Variants in KATNAL1 observed in about 807,000 individuals in gnomAD.
KATNAL1 encodes the protein katanin p60 ATPase-containing subunit A-like 1.
A neutral mutation model predicts 55.2 loss-of-function variants in KATNAL1; 32 were observed. The observed-to-expected ratio is 0.58, with a 90% CI of 0.44 to 0.78. The LOEUF is 0.78. KATNAL1 is among the 30% of genes least tolerant of loss of function. KATNAL1 has a pLI of 0.00. For missense variants in KATNAL1, 466 were observed against 600.9 expected (o/e 0.78, Z 2.35); for synonymous variants, 193 against 193.6 (o/e 1.00, Z 0.02).
chr13:30,225,715 AAT>A (rs1875401842), intron 9 of KATNAL1, among the ~76,000 whole-genome samples: 1 of 151,616 alleles, frequency 6.6e-6, no homozygotes, highest in Non-Finnish European at 1.5e-5. Context: ...CACAGATATA[AAT>A]ACAGTTTCCA....
At chr13:30,245,921 T>C (rs766787191) in intron 4 of KATNAL1, among the ~76,000 whole-genome samples, 1 of 152,282 alleles carries the variant, frequency 6.6e-6, no homozygotes, top group African/African-American at 2.4e-5. Flanking sequence ...TGGAAAAACA[T>C]TCCATGCTCA....
At chr13:30,271,202 G>A (rs922533639) in intron 3 of KATNAL1, among the ~76,000 whole-genome samples, 28 of 152,166 alleles carry the variant, frequency 1.8e-4, no homozygotes, top group African/African-American at 4.1e-4. Flanking sequence ...ATAACCCTAC[G>A]AAGTAATTTT....
chr13:30,219,475 C>G (rs750752046), intron 9 of KATNAL1, among the ~76,000 whole-genome samples: 11 of 152,194 alleles, frequency 7.2e-5, no homozygotes, highest in African/African-American at 2.4e-4. Context: ...GCAGAGCTCT[C>G]GGCTCATGCA....
chr13:30,225,158 G>GA (rs1021540715), intron 9 of KATNAL1, among the ~76,000 whole-genome samples: 4 of 151,928 alleles, frequency 2.6e-5, no homozygotes, highest in Non-Finnish European at 4.4e-5. Flanking sequence ...AGTCTCAGTG[G>GA]AAAAAAAGAG....
chr13:30,211,984 A>C (rs1215419596), intron 9 of KATNAL1, among the ~76,000 whole-genome samples: 11 of 152,202 alleles, frequency 7.2e-5, no homozygotes, highest in Admixed American at 7.2e-4. Flanking sequence ...GTGTCTTTTC[A>C]ATTAATGATG....
At chr13:30,238,464 T>G (rs1018320272) in intron 6 of KATNAL1, among the ~76,000 whole-genome samples, 6 of 152,172 alleles carry the variant, frequency 3.9e-5, no homozygotes, top group Non-Finnish European at 8.8e-5. Flanking sequence ...TTACAAAACT[T>G]CAATGCATCT....
rs55683675 is a variant in KATNAL1 at position 30,277,982 on chromosome 13, C to CAAAAAAAAAAAAAA, written c.323+2067_323+2080dup. On this transcript the variant is annotated intron_variant, in intron 3 of 10. Transcript: ENST00000380615. ...TGGGGGACAGAGCGAGACTCCGTCT[C>CAAAAAAAAAAAAAA]AAAAAAAAAAAAAAAAAAAAAAAAA... 2.3e-4 allele frequency among the ~76,000 whole-genome samples: 14 copies of CAAAAAAAAAAAAAA among 61,312 alleles called. 1 individual carries two copies. Among genetic ancestry groups the CAAAAAAAAAAAAAA allele is most frequent in the African/African-American group, 9.9e-4 (14 of 14,146 alleles). The allele number at this position is 61,312 out of a possible 152,430, so 40.2% of individuals were successfully genotyped here.
In KATNAL1 at chr13:30,210,363, G is replaced by T. The variant is rs753628719; in HGVS notation, c.1227C>A (p.Ala409=). The T allele has an allele frequency of 1.9e-6, 3 of 1,606,448 alleles. No homozygotes were observed. The highest frequency in any genetic ancestry group is 3.4e-5 in the Admixed American group (2 of 59,042). The change falls in exon 10 of 11, where the codon GCC becomes GCA. Residue 409 remains alanine (A), a synonymous_variant. Transcript: ENST00000380615. ...CACCAGAATAGCCCTCAATCTTCTC[G>T]GCTATATCTTCCAGTTGAATATCAG... ...LDPDIQLEDI[A]EKIEGYSGAD... is the part of the protein sequence containing the mutation.
intron 3 of KATNAL1, among the ~76,000 whole-genome samples, chr13:30,273,967 A>G (rs983339652): frequency 1.3e-5 from 2 of 152,276 alleles, no homozygotes; most frequent in Admixed American, 1.3e-4. Flanking sequence ...ACACCCATCT[A>G]CAAAATCGTA....
At chr13:30,278,779 ATTCT>A (rs1412540931) in intron 3 of KATNAL1, among the ~76,000 whole-genome samples, 1 of 152,226 alleles carries the variant, frequency 6.6e-6, no homozygotes, top group East Asian at 1.9e-4. Flanking sequence ...CTAAAATGTC[ATTCT>A]TTCTTTCAGT....
At chr13:30,240,913 T>C (rs2137424377) in intron 5 of KATNAL1, 46 bp downstream of exon 5, 1 of 1,560,244 alleles carries the variant, frequency 6.4e-7, no homozygotes, top group Non-Finnish European at 8.7e-7. Context: ...CAACCTATAA[T>C]TTGTGTTCTC....
chr13:30,207,389 C>T lies in KATNAL1; in HGVS notation c.*1151G>A, dbSNP rs1366799552. ...AGACAAGGACAAATTTTAGAATTTT[C>T]CAATGAACATCATTCACTATGTATG... On this transcript the variant is annotated 3_prime_UTR_variant, in exon 11 of 11. Transcript: ENST00000380615. 3.3e-5 allele frequency: 5 copies of T among 152,160 alleles called. No homozygotes were observed. The highest frequency in any genetic ancestry group is 3.3e-4 in the Admixed American group (5 of 15,274). 9.4% of individuals were successfully genotyped at this position (152,160 alleles called of 1,614,324 possible).
chr13:30,270,644 T>C (rs565877079), intron 3 of KATNAL1, among the ~76,000 whole-genome samples: 36 of 151,918 alleles, frequency 2.4e-4, no homozygotes, highest in African/African-American at 7.5e-4. Flanking sequence ...ACATGTGCTG[T>C]GTCCACTCAG....
At chr13:30,230,405 T>C in intron 8 of KATNAL1, 63 bp downstream of exon 8, 2 of 1,473,636 alleles carry the variant, frequency 1.4e-6, no homozygotes, top group South Asian at 1.3e-5. Context: ...CATCCATTGA[T>C]TATGAGTTTA....
At chr13:30,255,979 G>C (rs1376277047) in intron 3 of KATNAL1, among the ~76,000 whole-genome samples, 1 of 152,100 alleles carries the variant, frequency 6.6e-6, no homozygotes, top group Non-Finnish European at 1.5e-5. Flanking sequence ...CCAAGAATAA[G>C]TAACTTTTTT....
intron 9 of KATNAL1, among the ~76,000 whole-genome samples, chr13:30,212,241 C>T (rs1057387456): frequency 1.3e-5 from 2 of 152,134 alleles, no homozygotes; most frequent in African/African-American, 4.8e-5. Context: ...AAGATACTGT[C>T]GACACAGTGA....
intron 3 of KATNAL1, among the ~76,000 whole-genome samples, chr13:30,274,880 TGCACACACATACGCGCGCGC>T (rs1270502441): frequency 2.9e-5 from 4 of 138,276 alleles, no homozygotes; most frequent in African/African-American, 1.1e-4. Flanking sequence ...GCGGGGTGTG[TGCACACACATACGCGCGCGC>T]GCGCGCGCAC....
intron 1 of KATNAL1, among the ~76,000 whole-genome samples, chr13:30,299,199 C>T (rs1321106023): frequency 6.6e-6 from 1 of 151,976 alleles, no homozygotes; most frequent in East Asian, 1.9e-4. Context: ...TTGATAAAGG[C>T]CACATAAAAA....
At chr13:30,234,229 A>C (rs1229925931) in intron 6 of KATNAL1, among the ~76,000 whole-genome samples, 2 of 152,206 alleles carry the variant, frequency 1.3e-5, no homozygotes, top group Non-Finnish European at 2.9e-5. Flanking sequence ...AAACAGATAA[A>C]ATTGAGACAA....
Sources: gnomAD v4.1 joint callset for allele counts (sites outside exome capture counted in the v4.1 genomes callset) on GRCh38, gnomAD v4.1.1 for gene constraint, MANE v1.5 for transcripts, NCBI Gene and HGNC (gene_info 2026-07-23, HGNC 2026-07-21) for gene names.